Variants in UBR3 observed in about 807,000 individuals in gnomAD.
UBR3 encodes E3 ubiquitin-protein ligase UBR3.
Under a neutral mutation model 243.2 loss-of-function variants are expected in UBR3, and 85 were observed. The observed-to-expected ratio is 0.35, with a 90% CI of 0.29 to 0.42. The LOEUF is 0.42. UBR3 is among the 10% of genes least tolerant of loss of function. The pLI, the probability that UBR3 is intolerant of heterozygous loss-of-function variation, is 1.00. For missense variants in UBR3, 1,686 were observed against 2,300.8 expected (o/e 0.73, Z 5.47); for synonymous variants, 748 against 799.8 (o/e 0.94, Z 1.09).
chr2:169,989,048 G>A (rs913186512), intron 25 of UBR3, among the ~76,000 whole-genome samples: 2 of 152,004 alleles, frequency 1.3e-5, no homozygotes, highest in Non-Finnish European at 2.9e-5. Context: ...GAACCCCCAT[G>A]TCCCCATCTA....
intron 36 of UBR3, chr2:170,077,265 G>T (rs10497353): frequency 0.028 from 20,442 of 740,068 alleles, 684 homozygotes; most frequent in African/African-American, 0.13. Context: ...TCATTTTCAG[G>T]ATTGTTGGTA....
intron 1 of UBR3, among the ~76,000 whole-genome samples, chr2:169,844,040 C>G (rs766229383): frequency 7.4e-6 from 1 of 134,654 alleles, no homozygotes; most frequent in Non-Finnish European, 1.6e-5. Flanking sequence ...GAGTTTCGCT[C>G]TTTTTGCCCA....
At chr2:170,013,252 C>CTA (rs2090138302) in intron 29 of UBR3, among the ~76,000 whole-genome samples, 1 of 151,906 alleles carries the variant, frequency 6.6e-6, no homozygotes, top group Admixed American at 6.6e-5. Flanking sequence ...CTCAAAGGAC[C>CTA]AATTTTGACA....
At chr2:170,031,541 T>C (rs775988723) in intron 31 of UBR3, among the ~76,000 whole-genome samples, 6 of 152,160 alleles carry the variant, frequency 3.9e-5, no homozygotes, top group Non-Finnish European at 5.9e-5. Flanking sequence ...TTTCAACTTT[T>C]ATTTTAGATT....
At chr2:169,952,754 A>G (rs905833814) in intron 23 of UBR3, among the ~76,000 whole-genome samples, 6 of 152,182 alleles carry the variant, frequency 3.9e-5, no homozygotes, top group African/African-American at 9.6e-5. Flanking sequence ...ATGGTAGATT[A>G]AGAATTTAGG....
intron 24 of UBR3, among the ~76,000 whole-genome samples, chr2:169,983,148 G>A (rs4668189): frequency 0.095 from 14,306 of 150,558 alleles, 892 homozygotes; most frequent in African/African-American, 0.16. Context: ...GAGAGAAACT[G>A]TGCAAGGTGG....
At chr2:169,871,663 G>T (rs1377233882) in intron 1 of UBR3, among the ~76,000 whole-genome samples, 1 of 150,102 alleles carries the variant, frequency 6.7e-6, no homozygotes, top group Non-Finnish European at 1.5e-5. Flanking sequence ...TGGGGGAATC[G>T]CTTGAACCTG....
At chr2:169,883,128 A>G (rs1455064101) in intron 5 of UBR3, among the ~76,000 whole-genome samples, 3 of 152,178 alleles carry the variant, frequency 2.0e-5, no homozygotes, top group African/African-American at 7.2e-5. Context: ...TGAGAATGGC[A>G]TCTGGGCAGT....
chr2:170,070,778 A>G (rs537094862), intron 35 of UBR3, among the ~76,000 whole-genome samples: 3 of 152,168 alleles, frequency 2.0e-5, no homozygotes, highest in Non-Finnish European at 4.4e-5. Context: ...GGCTTGCACA[A>G]TTTCATGAAT....
intron 1 of UBR3, among the ~76,000 whole-genome samples, chr2:169,858,116 T>C (rs1220488515): frequency 2.0e-5 from 3 of 152,166 alleles, no homozygotes; most frequent in African/African-American, 7.2e-5. Context: ...GGCCACGAAT[T>C]TGAAAGTGGC....
rs778093879 is a variant in UBR3 at position 170,061,179 on chromosome 2, G to T, written c.4886G>T (p.Cys1629Phe). The T allele has an allele frequency of 1.9e-6, 3 of 1,591,868 alleles. No homozygotes were observed. Among genetic ancestry groups the T allele is most frequent in the Non-Finnish European group, 2.6e-6 (3 of 1,173,320 alleles). The change falls in exon 34 of 39, where the codon TGT becomes TTT. Residue 1629 changes from cysteine to phenylalanine, a missense_variant. This residue lies in a region of UBR3 where 371 missense variants were observed against 422.5 expected (regional missense o/e 0.88). Transcript: ENST00000272793. The part of the protein sequence containing the change: ...KLYHEEGTQE[C>F]AMVNPIAWSP... ...TACCATGAAGAAGGAACTCAGGAAT[G>T]TGCAATGGTATGTTTCTGCAAAAAT...
chr2:170,033,342 A>G (rs1050282296), intron 31 of UBR3, among the ~76,000 whole-genome samples: 4 of 151,992 alleles, frequency 2.6e-5, no homozygotes, highest in African/African-American at 7.2e-5. Context: ...TTAATCGTCA[A>G]TAATAACTCT....
At chr2:169,910,697 G>A (rs962671127) in intron 10 of UBR3, among the ~76,000 whole-genome samples, 1 of 152,064 alleles carries the variant, frequency 6.6e-6, no homozygotes, top group South Asian at 2.1e-4. Context: ...ATTGTTCTAG[G>A]CACTTTTCAT....
chr2:170,049,760 G>T (rs2091174075), intron 32 of UBR3, among the ~76,000 whole-genome samples: 1 of 151,932 alleles, frequency 6.6e-6, no homozygotes, highest in Admixed American at 6.6e-5. Context: ...TGTCTGACTT[G>T]TCTGATTTTC....
chr2:169,919,774 C>G (rs558441877), intron 11 of UBR3, among the ~76,000 whole-genome samples: 1 of 152,312 alleles, frequency 6.6e-6, no homozygotes, highest in South Asian at 2.1e-4. Context: ...CATCTCACAC[C>G]AGTTAGAATG....
intron 10 of UBR3, among the ~76,000 whole-genome samples, chr2:169,910,205 C>A: frequency 6.6e-6 from 1 of 151,936 alleles, no homozygotes; most frequent in East Asian, 1.9e-4. Context: ...ATATTTATCA[C>A]CAAGGGATGG....
At chr2:169,996,845 G>A (rs147495113) in intron 26 of UBR3, among the ~76,000 whole-genome samples, 357 of 151,628 alleles carry the variant, frequency 2.4e-3, no homozygotes, top group African/African-American at 8.1e-3. Context: ...GACTACAGGC[G>A]CCCACCACCA....
intron 1 of UBR3, among the ~76,000 whole-genome samples, chr2:169,836,063 ATATAT>A (rs2082098410): frequency 1.1e-4 from 3 of 26,614 alleles, no homozygotes; most frequent in African/African-American, 3.0e-4. Flanking sequence ...ATATATATAT[ATATAT>A]TTTTTTTTTT....
At chr2:169,916,892 C>G (rs1301016755) in intron 11 of UBR3, among the ~76,000 whole-genome samples, 1 of 151,850 alleles carries the variant, frequency 6.6e-6, no homozygotes, top group Non-Finnish European at 1.5e-5. Context: ...AACATCTCAA[C>G]CCCTCAATTA....
Sources: allele counts gnomAD v4.1 joint callset (sites outside exome capture counted in the v4.1 genomes callset), GRCh38; gene constraint gnomAD v4.1.1; regional missense constraint gnomAD v4.1.1; transcripts MANE v1.5; gene names NCBI Gene and HGNC (gene_info 2026-07-23, HGNC 2026-07-21).